Variants in HERC1 observed in about 807,000 individuals in gnomAD.
The protein encoded by HERC1 is probable E3 ubiquitin-protein ligase HERC1.
In HERC1, 160 loss-of-function variants were observed where a neutral mutation model predicts 554.3. That is an observed-to-expected ratio of 0.29 (90% CI 0.25 to 0.33). HERC1 has a LOEUF of 0.33. HERC1 is among the 10% of genes least tolerant of loss of function. The pLI, the probability that HERC1 is intolerant of heterozygous loss-of-function variation, is 1.00. For missense variants in HERC1, 4,919 were observed against 5,918.5 expected (o/e 0.83, Z 5.54); for synonymous variants, 2,175 against 2,131.7 (o/e 1.02, Z -0.56).
intron 21 of HERC1, among the ~76,000 whole-genome samples, chr15:63,717,183 G>A (rs565485426): frequency 1.3e-5 from 2 of 152,222 alleles, no homozygotes; most frequent in South Asian, 2.1e-4. Context: ...TACAGAGATG[G>A]GGATACAGAG....
At chr15:63,669,766 CT>C in intron 39 of HERC1, 68 bp from the exon 40 acceptor site, 3 of 1,433,538 alleles carry the variant, frequency 2.1e-6, no homozygotes, top group Non-Finnish European at 2.9e-6. Flanking sequence ...TCACAATCTT[CT>C]TATAGAAGAA....
intron 1 of HERC1, 105 bp downstream of exon 1, chr15:63,833,722 T>C: frequency 6.8e-6 from 1 of 147,468 alleles, no homozygotes; most frequent in Non-Finnish European, 1.5e-5. Context: ...CGGCCGGCCC[T>C]GCGCGGCCGG....
chr15:63,653,978 G>A, intron 51 of HERC1, 141 bp downstream of exon 51: 1 of 647,594 alleles, frequency 1.5e-6, no homozygotes, highest in South Asian at 1.9e-5. Flanking sequence ...GAACATCTTT[G>A]TAATTGTGTG....
In HERC1 at chr15:63,644,898, T is replaced by C. The variant is rs1595883304; in HGVS notation, c.11184+94A>G. On this transcript the variant is annotated intron_variant, in intron 57 of 77. Coordinates refer to ENST00000443617, the MANE Select transcript of HERC1 (RefSeq NM_003922.4). ...CCAATGGATCTTGCCCTTTGGGATA[T>C]AGTAATGACTTTTTTAGTAACCAAG... is the stretch of plus-strand genomic sequence containing the variant. 3.4e-5 allele frequency: 30 copies of C among 885,178 alleles called. No individual in the cohort carries two copies. In the East Asian group the frequency reaches 6.8e-4, roughly 20 times the overall value. 54.8% of individuals were successfully genotyped at this position (885,178 alleles called of 1,614,324 possible). A position where few individuals can be genotyped will look rare whatever the true frequency, so the allele number is the denominator to read the frequency against.
At chr15:63,821,745 A>T (rs2145758304) in intron 1 of HERC1, among the ~76,000 whole-genome samples, 1 of 151,310 alleles carries the variant, frequency 6.6e-6, no homozygotes, top group Non-Finnish European at 1.5e-5. Context: ...AAAAAAAAAA[A>T]AAAAATCAGA....
In HERC1 at chr15:63,655,777, C is replaced by G; in HGVS notation, c.10049G>C (p.Arg3350Thr). ...ALLADKGAKL[R>T]PNYDKSEVEK... ...AACTTCTGACTTATCATAGTTAGGTCTTAGTTTGGCCCCTTTGTCTGCTAG... is the reference window on the plus strand; with the variant it reads ...AACTTCTGACTTATCATAGTTAGGTGTTAGTTTGGCCCCTTTGTCTGCTAG... The change falls in exon 50 of 78, where the codon AGA becomes ACA. Residue 3350 changes from arginine (R) to threonine (T), a missense_variant. Coordinates refer to ENST00000443617, the MANE Select transcript of HERC1 (RefSeq NM_003922.4). 4 of 1,568,426 alleles carry G rather than the reference C, an allele frequency of 2.6e-6. No homozygotes were observed. The highest frequency in any genetic ancestry group is 3.5e-6 in the Non-Finnish European group (4 of 1,155,140).
intron 13 of HERC1, 128 bp from the exon 14 acceptor site, chr15:63,733,273 C>G: frequency 1.6e-6 from 1 of 641,170 alleles, no homozygotes; most frequent in South Asian, 2.0e-5. Flanking sequence ...TCAGGAAGTA[C>G]ATAATTATAA....
rs1339551591 is a variant in HERC1, at chr15:63,775,653, C to G, written c.-26-4G>C. 3 of 1,515,340 alleles carry G rather than the reference C, an allele frequency of 2.0e-6. No homozygotes were observed. Among genetic ancestry groups the G allele is most frequent in the Non-Finnish European group, 2.7e-6 (3 of 1,122,186 alleles). The allele number at this position is 1,515,340 out of a possible 1,614,324, so 93.9% of individuals were successfully genotyped here. ...ATTTATCCTTCAGCCATTAGTCCTGCAAAGGGAGAAGAGAAAACAGTCAAA... is the reference window on the plus strand; with the variant it reads ...ATTTATCCTTCAGCCATTAGTCCTGGAAAGGGAGAAGAGAAAACAGTCAAA... On this transcript the variant is annotated splice_region_variant and splice_polypyrimidine_tract_variant and intron_variant, in intron 1 of 77. Transcript: ENST00000443617. The surrounding 1 kb of genome is among the most constrained non-coding windows in gnomAD (Gnocchi z 4.0).
At position 63,716,272 on chromosome 15, in the gene HERC1, G is replaced by C. The variant is rs200631595; in HGVS notation, c.4150+30C>G. 1.6e-5 allele frequency: 25 copies of C among 1,571,454 alleles called. 1 individual carries two copies. In the South Asian group the frequency reaches 2.0e-4, roughly 12 times the overall value. On this transcript the variant is annotated intron_variant, in intron 22 of 77. Coordinates refer to ENST00000443617, the MANE Select transcript of HERC1 (RefSeq NM_003922.4). ...CCTATCAAAAAGCATGCCACAGTTTGTATCTAGAAAGTAAGAAGGGTATAC... is the reference window on the plus strand; with the variant it reads ...CCTATCAAAAAGCATGCCACAGTTTCTATCTAGAAAGTAAGAAGGGTATAC...
chr15:63,674,881 G>C lies in HERC1; in HGVS notation c.7307C>G (p.Ser2436Cys). Residue 2436 changes from serine to cysteine, a missense_variant, in exon 38 of 78, where the codon TCC (serine) becomes TGC (cysteine). Around this residue, in one of 11 missense-constraint regions of HERC1, gnomAD observed 1,963 missense variants for 2,228.6 expected, o/e 0.88. Transcript: ENST00000443617. ...TAGGCCTGTTCGCATATCTAAAGCG[G>C]ATTCACTCTCAGGTTTCTGCTCAAC... Reference protein sequence around the residue: ...GDVEQKPESESALDMRTGLTS... With the variant: ...GDVEQKPESECALDMRTGLTS... The C allele has an allele frequency of 2.5e-6, 4 of 1,613,900 alleles. No individual in the cohort carries two copies. Among genetic ancestry groups the C allele is most frequent in the Non-Finnish European group, 3.4e-6 (4 of 1,179,808 alleles).
At position 63,736,037 on chromosome 15, in the gene HERC1, T is replaced by G. The variant is rs188361202; in HGVS notation, c.2521-1188A>C. Among the ~76,000 whole-genome samples, 148 of 151,990 alleles carry G rather than the reference T, an allele frequency of 9.7e-4. 1 individual carries two copies. The highest frequency in any genetic ancestry group is 1.9e-3 in the Non-Finnish European group (132 of 68,002). ...AAACAATGGGCAGGGGTTGGTGGGA[T>G]AAGTCAAAAAGACCCCCCTCCCCAG... On this transcript the variant is annotated intron_variant, in intron 12 of 77. Transcript: ENST00000443617.
At chr15:63,628,922 G>T in intron 69 of HERC1, 107 bp from the exon 70 acceptor site, 5 of 995,210 alleles carry the variant, frequency 5.0e-6, no homozygotes, top group Non-Finnish European at 6.0e-6. Context: ...GTTAATAACT[G>T]TACCATGCAT....
intron 1 of HERC1, among the ~76,000 whole-genome samples, chr15:63,798,438 T>A (rs1225546423): frequency 6.6e-6 from 1 of 151,832 alleles, no homozygotes. Context: ...CTTAAGAAAA[T>A]CTTACAAGTT....
rs574554562 is a variant in HERC1, at chr15:63,632,487, T to A, written c.12796+222A>T. 22 of 602,954 alleles carry A rather than the reference T, an allele frequency of 3.6e-5. No individual in the cohort carries two copies. In the East Asian group the frequency reaches 6.1e-4, roughly 17 times the overall value. The allele number at this position is 602,954 out of a possible 1,614,324, so 37.4% of individuals were successfully genotyped here. On this transcript the variant is annotated intron_variant, in intron 68 of 77. Coordinates refer to ENST00000443617, the MANE Select transcript of HERC1 (RefSeq NM_003922.4). ...TTGGCAGGGACTCTTCTAGCAAGAGTGCTGGCTCTGGCATAAGGGGTCTTA... is the reference window on the plus strand; with the variant it reads ...TTGGCAGGGACTCTTCTAGCAAGAGAGCTGGCTCTGGCATAAGGGGTCTTA...
intron 1 of HERC1, among the ~76,000 whole-genome samples, chr15:63,805,883 C>T (rs1282034776): frequency 1.3e-5 from 2 of 151,020 alleles, no homozygotes; most frequent in African/African-American, 4.9e-5. Context: ...GTCAAAGCTG[C>T]AGCAAGCCAT....
At chr15:63,802,270 C>A (rs1205382115) in intron 1 of HERC1, among the ~76,000 whole-genome samples, 1 of 152,148 alleles carries the variant, frequency 6.6e-6, no homozygotes, top group African/African-American at 2.4e-5. Flanking sequence ...AAATTGAACT[C>A]CTGCTAAAAA....
intron 2 of HERC1, among the ~76,000 whole-genome samples, chr15:63,764,803 C>G (rs1319314798): frequency 3.9e-5 from 6 of 152,136 alleles, no homozygotes; most frequent in African/African-American, 1.4e-4. Context: ...AGTCTCCCAA[C>G]AGACAGAAAA....
At position 63,650,417 on chromosome 15, in the gene HERC1, C is replaced by CT. The variant is rs74802579; in HGVS notation, c.10547-493dup. On this transcript the variant is annotated intron_variant, in intron 53 of 77. Coordinates refer to ENST00000443617, the MANE Select transcript of HERC1 (RefSeq NM_003922.4). ...AATAAAATTAATGTTTTTCTGTAAC[C>CT]TTTTTTTTTTTTTTGAAAGAGGGTC... Among the ~76,000 whole-genome samples the CT allele has an allele frequency of 1.8e-3, 253 of 143,102 alleles. 1 individual carries two copies. The highest frequency in any genetic ancestry group is 5.6e-3 in the East Asian group (28 of 4,984). The allele number at this position is 143,102 out of a possible 152,430, so 93.9% of individuals were successfully genotyped here. A position where few individuals can be genotyped will look rare whatever the true frequency, so the allele number is the denominator to read the frequency against.
chr15:63,758,209 G>C lies in HERC1; in HGVS notation c.1187C>G (p.Pro396Arg). Residue 396 changes from proline (P) to arginine (R), a missense_variant, in exon 4 of 78, where the codon CCC becomes CGC. Pro to Arg is a moderately radical substitution (Grantham distance 103). Coordinates refer to ENST00000443617, the MANE Select transcript of HERC1 (RefSeq NM_003922.4). The surrounding 1 kb of genome is among the most constrained non-coding windows in gnomAD (Gnocchi z 4.0). ...ATCAGAGAAACTAGGAGCCAGTTTG[G>C]GTTGCAGTATTTTCTCCTGTGTACC... ...VEGTQEKILQ[P>R]KLAPSFSDAQ... The C allele has an allele frequency of 6.2e-7, 1 of 1,611,960 alleles. No homozygotes were observed. The highest frequency in any genetic ancestry group is 1.1e-5 in the South Asian group (1 of 90,986).
Sources: gnomAD v4.1 joint callset for allele counts (sites outside exome capture counted in the v4.1 genomes callset) on GRCh38, gnomAD v4.1.1 for gene constraint, gnomAD v4.1.1 regional missense constraint, Gnocchi (gnomAD v3.1) non-coding constraint, MANE v1.5 for transcripts, NCBI Gene and HGNC (gene_info 2026-07-23, HGNC 2026-07-21) for gene names.